DLG1: variants seen among roughly 807,000 people sequenced by gnomAD.
The protein encoded by DLG1 is disks large homolog 1.
In DLG1, 42 loss-of-function variants were observed where a neutral mutation model predicts 123.4. That is an observed-to-expected ratio of 0.34 (90% CI 0.27 to 0.44). The LOEUF (loss-of-function observed/expected upper bound fraction) is 0.44. Ranked by LOEUF, DLG1 falls within the 20% of genes least tolerant of loss-of-function variation. The pLI is 1.00. For synonymous variants in DLG1, 317 were observed against 356.2 expected (o/e 0.89, Z 1.24); for missense variants, 942 against 1,082.6 (o/e 0.87, Z 1.82).
chr3:197,237,840 C>G (rs1261944122), intron 4 of DLG1, among the ~76,000 whole-genome samples: 2 of 152,186 alleles, frequency 1.3e-5, no homozygotes, highest in African/African-American at 4.8e-5. Context: ...CAACTTCTAG[C>G]CAGTATTAAT....
chr3:197,054,694 G>C (rs1936871793), intron 23 of DLG1, among the ~76,000 whole-genome samples: 1 of 151,970 alleles, frequency 6.6e-6, no homozygotes, highest in African/African-American at 2.4e-5. Flanking sequence ...GCTCAGGCTG[G>C]AGTGCAGTGG....
intron 4 of DLG1, among the ~76,000 whole-genome samples, chr3:197,248,871 T>C (rs886908713): frequency 6.6e-6 from 1 of 152,196 alleles, no homozygotes; most frequent in African/African-American, 2.4e-5. Flanking sequence ...GTGAAACCCT[T>C]TGTTTGAAGA....
chr3:197,199,511 A>T (rs972605744), intron 4 of DLG1, among the ~76,000 whole-genome samples: 2 of 152,182 alleles, frequency 1.3e-5, no homozygotes, highest in Non-Finnish European at 2.9e-5. Flanking sequence ...CATTATGTAT[A>T]TGCAAATATC....
chr3:197,295,587 T>C (rs1777045296), intron 3 of DLG1, among the ~76,000 whole-genome samples: 1 of 152,198 alleles, frequency 6.6e-6, no homozygotes, highest in Admixed American at 6.5e-5. Context: ...ACAAGTCACC[T>C]TGTTTTATAC....
At chr3:197,288,990 T>A (rs1375714977) in intron 3 of DLG1, among the ~76,000 whole-genome samples, 2 of 152,176 alleles carry the variant, frequency 1.3e-5, no homozygotes, top group Non-Finnish European at 2.9e-5. Context: ...TTAGGTAGTC[T>A]GAGTTTTCAT....
chr3:197,090,875 AT>A (rs1757377962), intron 15 of DLG1, 36 bp downstream of exon 15: 1 of 1,256,936 alleles, frequency 8.0e-7, no homozygotes, highest in African/African-American at 1.5e-5. Context: ...TGCATAACTA[AT>A]TAAGATTTGC....
chr3:197,184,137 G>C (rs1714318324), intron 5 of DLG1: 1 of 1,075,788 alleles, frequency 9.3e-7, no homozygotes, highest in Non-Finnish European at 1.1e-6. Context: ...CTGATAACTA[G>C]ATGGATTGAA....
intron 3 of DLG1, among the ~76,000 whole-genome samples, chr3:197,288,741 A>ATACATACAT (rs1213910267): frequency 0.012 from 751 of 62,834 alleles, 3 homozygotes; most frequent in Non-Finnish European, 0.016. Flanking sequence ...AAAAAAAAAA[A>ATACATACAT]AAATACATAC....
intron 5 of DLG1, among the ~76,000 whole-genome samples, chr3:197,177,393 T>A (rs915610989): frequency 3.9e-5 from 6 of 152,192 alleles, no homozygotes; most frequent in African/African-American, 1.4e-4. Context: ...ACCTACCCTA[T>A]ACGTAGTCTA....
Position 197,089,544 on chromosome 3 carries a change from CAG to C in DLG1, c.1661+1366_1661+1367del, listed in dbSNP as rs557034737. Among the ~76,000 whole-genome samples the C allele has an allele frequency of 8.4e-5, 12 of 142,148 alleles. No homozygotes were observed. The South Asian group carries it at 2.2e-3, about 26-fold the overall frequency. The allele number at this position is 142,148 out of a possible 152,430, so 93.3% of individuals were successfully genotyped here. ...CCTGTCTTTAAAAAAAAAAAAAAAA[CAG>C]AAAGAAAATAGAGCATTACTTCTCT... On this transcript the variant is annotated intron_variant, in intron 15 of 24. Transcript: ENST00000667157.
At chr3:197,101,553 T>C (rs992221187) in intron 14 of DLG1, among the ~76,000 whole-genome samples, 3 of 151,724 alleles carry the variant, frequency 2.0e-5, no homozygotes, top group Admixed American at 1.3e-4. Flanking sequence ...GCCTGGCTAA[T>C]TTTGGTTTTG....
At chr3:197,121,823 CAAAA>C (rs71161995) in intron 11 of DLG1, among the ~76,000 whole-genome samples, 1 of 101,998 alleles carries the variant, frequency 9.8e-6, no homozygotes, top group Non-Finnish European at 1.9e-5. Flanking sequence ...ACAATCACCA[CAAAA>C]AAAAAAAAAA....
chr3:197,062,882 C>CTAA (rs1258200851), intron 22 of DLG1, among the ~76,000 whole-genome samples: 6 of 152,180 alleles, frequency 3.9e-5, no homozygotes, highest in African/African-American at 1.2e-4. Flanking sequence ...CTCTAATTAT[C>CTAA]TAATATCTCC....
At chr3:197,298,232 T>C in intron 1 of DLG1, 2 of 337,180 alleles carry the variant, frequency 5.9e-6, no homozygotes, top group Non-Finnish European at 1.1e-5. Flanking sequence ...CCCGCGCTGC[T>C]ACCTTCGGGT....
chr3:197,296,295 G>A (rs971635677), intron 3 of DLG1, 51 bp downstream of exon 3: 2 of 1,533,594 alleles, frequency 1.3e-6, no homozygotes, highest in African/African-American at 2.8e-5. Flanking sequence ...AATGAATTGA[G>A]AGGAGCATAA....
At chr3:197,284,241 GATA>G (rs141552908) in intron 3 of DLG1, among the ~76,000 whole-genome samples, 113 of 152,122 alleles carry the variant, frequency 7.4e-4, no homozygotes, top group Admixed American at 1.8e-3. Flanking sequence ...GTACAGTGAG[GATA>G]ATATTAACCT....
At chr3:197,060,417 AGCCACTGT>A (rs1734978264) in intron 22 of DLG1, among the ~76,000 whole-genome samples, 1 of 152,190 alleles carries the variant, frequency 6.6e-6, no homozygotes, top group Non-Finnish European at 1.5e-5. Context: ...GATAGGCATG[AGCCACTGT>A]GCCAGGCCCA....
At chr3:197,155,635 A>AC (rs1796057851) in intron 5 of DLG1, among the ~76,000 whole-genome samples, 2 of 152,112 alleles carry the variant, frequency 1.3e-5, no homozygotes, top group South Asian at 2.1e-4. Flanking sequence ...AAAAAAAAAA[A>AC]AAACTTAGCC....
chr3:197,080,454 C>CCTT (rs1465403960), intron 17 of DLG1: 1 of 97,488 alleles, frequency 1.0e-5, no homozygotes, highest in African/African-American at 4.0e-5. Context: ...AATTTTTTAC[C>CCTT]TTTTTTTTTT....
Sources: allele counts gnomAD v4.1 joint callset (sites outside exome capture counted in the v4.1 genomes callset), GRCh38; gene constraint gnomAD v4.1.1; transcripts MANE v1.5; gene names NCBI Gene and HGNC (gene_info 2026-07-23, HGNC 2026-07-21).